ZNF704: variants seen among roughly 807,000 people sequenced by gnomAD.
The protein encoded by ZNF704 is glucocorticoid induced gene 1.
A neutral mutation model predicts 44.7 loss-of-function variants in ZNF704; 10 were observed. That is an observed-to-expected ratio of 0.22 (90% CI 0.14 to 0.38). ZNF704 has a LOEUF of 0.38. ZNF704 is among the 10% of genes least tolerant of loss of function. The pLI, the probability that ZNF704 is intolerant of heterozygous loss-of-function variation, is 1.00. For missense variants in ZNF704, 390 were observed against 545.5 expected, an observed-to-expected ratio of 0.71 and a Z score of 2.84; for synonymous variants, 211 against 207.6, an observed-to-expected ratio of 1.02 and a Z score of -0.14.
At chr8:80,765,868 A>G (rs1260131336) in intron 2 of ZNF704, among the ~76,000 whole-genome samples, 3 of 152,200 alleles carry the variant, frequency 2.0e-5, no homozygotes, top group Non-Finnish European at 4.4e-5. Flanking sequence ...GCTACCATTT[A>G]CCGAGTATCC....
chr8:80,708,253 C>T (rs79431906), intron 2 of ZNF704, among the ~76,000 whole-genome samples: 7,307 of 152,220 alleles, frequency 0.048, 236 homozygotes, highest in Middle Eastern at 0.11. Context: ...ACGTATACTC[C>T]GTGCTCAAGG....
At chr8:80,836,747 C>G (rs921677838) in intron 1 of ZNF704, among the ~76,000 whole-genome samples, 2 of 152,172 alleles carry the variant, frequency 1.3e-5, no homozygotes, top group African/African-American at 2.4e-5. Context: ...TAAGATCACA[C>G]CACTGCACTC....
chr8:80,818,342 C>G (rs577638863), intron 2 of ZNF704, among the ~76,000 whole-genome samples: 26 of 151,836 alleles, frequency 1.7e-4, no homozygotes, highest in Non-Finnish European at 3.1e-4. Flanking sequence ...TATTTTTAAA[C>G]ATTTATTATA....
chr8:80,846,717 T>C lies in ZNF704; in HGVS notation c.-21-25102A>G, dbSNP rs111371068. ...CAATTTTTACTCATTTCAACATCAT[T>C]AGAGACAAAGAATAATTAGTCAATA... On this transcript the variant is annotated intron_variant, in intron 1 of 8. Coordinates refer to ENST00000327835, the MANE Select transcript of ZNF704 (RefSeq NM_001033723.3). 8.1e-3 allele frequency among the ~76,000 whole-genome samples: 1,237 copies of C among 152,280 alleles called. 15 individuals carry two copies. The highest frequency in any genetic ancestry group is 0.028 in the African/African-American group (1,147 of 41,546).
chr8:80,864,822 T>C (rs1009219322), intron 1 of ZNF704, among the ~76,000 whole-genome samples: 1 of 152,154 alleles, frequency 6.6e-6, no homozygotes, highest in Non-Finnish European at 1.5e-5. Flanking sequence ...TTTATTTCCA[T>C]AGCAGCTTTA....
chr8:80,855,863 A>C (rs970211837), intron 1 of ZNF704, among the ~76,000 whole-genome samples: 2 of 152,220 alleles, frequency 1.3e-5, no homozygotes, highest in African/African-American at 4.8e-5. Flanking sequence ...AACTGCATTC[A>C]CTTGGTCTCT....
At chr8:80,752,956 A>T (rs1806972583) in intron 2 of ZNF704, among the ~76,000 whole-genome samples, 1 of 152,140 alleles carries the variant, frequency 6.6e-6, no homozygotes, top group South Asian at 2.1e-4. Flanking sequence ...AACAAGTAAA[A>T]AGTATTCATG....
In ZNF704 at chr8:80,761,497, A is replaced by G. The variant is rs188705039; in HGVS notation, c.221+59877T>C. On this transcript the variant is annotated intron_variant, in intron 2 of 8. Coordinates refer to ENST00000327835, the MANE Select transcript of ZNF704 (RefSeq NM_001033723.3). ...AATCCTGAACACTGAAATCCCCAAA[A>G]ATCATAATCCCTAACATCTAAAATC... 1.3e-3 allele frequency among the ~76,000 whole-genome samples: 202 copies of G among 152,330 alleles called. 3 individuals are homozygous for G. In the East Asian group the frequency reaches 0.027, roughly 20 times the overall value.
chr8:80,801,825 G>A (rs138088062), intron 2 of ZNF704, among the ~76,000 whole-genome samples: 2,175 of 152,182 alleles, frequency 0.014, 59 homozygotes, highest in African/African-American at 0.05. Context: ...ACCAAGATCA[G>A]AGTTGAACTG....
chr8:80,705,425 T>C (rs1197888521), intron 2 of ZNF704, among the ~76,000 whole-genome samples: 1 of 151,834 alleles, frequency 6.6e-6, no homozygotes, highest in Non-Finnish European at 1.5e-5. Context: ...TGTGTTTGTG[T>C]TCATGTGGGT....
intron 2 of ZNF704, among the ~76,000 whole-genome samples, chr8:80,719,103 C>A (rs1048549566): frequency 6.6e-6 from 1 of 152,042 alleles, no homozygotes; most frequent in Non-Finnish European, 1.5e-5. Flanking sequence ...GTAGTTGGGA[C>A]TACAGGTACG....
intron 6 of ZNF704, among the ~76,000 whole-genome samples, chr8:80,660,549 C>G (rs528581306): frequency 5.1e-4 from 77 of 150,398 alleles, no homozygotes; most frequent in African/African-American, 1.8e-3. Flanking sequence ...GATATACCTA[C>G]AGAGTAATTC....
intron 2 of ZNF704, among the ~76,000 whole-genome samples, chr8:80,787,015 G>C (rs1348591631): frequency 6.6e-6 from 1 of 152,174 alleles, no homozygotes; most frequent in Admixed American, 6.5e-5. Context: ...GAAGAGGCTT[G>C]TTTTTATTGA....
At chr8:80,750,260 C>T (rs1200891575) in intron 2 of ZNF704, among the ~76,000 whole-genome samples, 3 of 151,636 alleles carry the variant, frequency 2.0e-5, no homozygotes, top group Non-Finnish European at 2.9e-5. Context: ...CACTCTGACT[C>T]GGAGGGGTGG....
At chr8:80,807,282 G>A (rs1468478367) in intron 2 of ZNF704, among the ~76,000 whole-genome samples, 1 of 152,138 alleles carries the variant, frequency 6.6e-6, no homozygotes, top group African/African-American at 2.4e-5. Context: ...CTGCCTCTGG[G>A]TGCCACATGC....
In ZNF704 at chr8:80,687,388, G is replaced by A. The variant is rs770973446; in HGVS notation, c.396C>T (p.Ser132=). 1 of 1,604,366 alleles carries A rather than the reference G, an allele frequency of 6.2e-7. No individual in the cohort carries two copies. The highest frequency in any genetic ancestry group is 1.1e-5 in the South Asian group (1 of 90,902). The change falls in exon 4 of 9, where the codon AGC becomes AGT. Residue 132 remains serine, a synonymous_variant. Coordinates refer to ENST00000327835, the MANE Select transcript of ZNF704 (RefSeq NM_001033723.3). ...PSSTSSSGYW[S]WSAPSDQSNP... ...TGGACTGGTCGCTGGGGGCGCTCCA[G>A]CTCCAGTAGCCGCTGCTGCTGGTGC...
chr8:80,876,091 C>T (rs1809353292), upstream of ZNF704, among the ~76,000 whole-genome samples: 1 of 152,122 alleles, frequency 6.6e-6, no homozygotes, highest in African/African-American at 2.4e-5. Flanking sequence ...TTTGTGACTT[C>T]AAAAGTGGAA....
chr8:80,860,171 A>G (rs1809034904), intron 1 of ZNF704, among the ~76,000 whole-genome samples: 1 of 152,248 alleles, frequency 6.6e-6, no homozygotes, highest in Admixed American at 6.5e-5. Context: ...ACTGTAAACA[A>G]GAGCTTCTTT....
chr8:80,728,422 G>A (rs1806520999), intron 2 of ZNF704, among the ~76,000 whole-genome samples: 1 of 152,176 alleles, frequency 6.6e-6, no homozygotes, highest in African/African-American at 2.4e-5. Flanking sequence ...AACCACAGAT[G>A]ATCAAACCTA....
Sources: gnomAD v4.1 joint callset for allele counts (sites outside exome capture counted in the v4.1 genomes callset) on GRCh38, gnomAD v4.1.1 for gene constraint, MANE v1.5 for transcripts, NCBI Gene and HGNC (gene_info 2026-07-23, HGNC 2026-07-21) for gene names.